Variants in PPP3CC observed in about 807,000 individuals in gnomAD.
PPP3CC encodes protein phosphatase 3 catalytic subunit gamma, also known as serine/threonine-protein phosphatase 2B catalytic subunit gamma isoform.
A neutral mutation model predicts 60.3 loss-of-function variants in PPP3CC; 35 were observed. The observed-to-expected ratio is 0.58, with a 90% CI of 0.44 to 0.77. The LOEUF (loss-of-function observed/expected upper bound fraction) is 0.77, where lower values mean the gene tolerates loss of function less well. PPP3CC is among the 30% of genes least tolerant of loss of function. PPP3CC has a pLI of 0.00. For missense variants in PPP3CC, 570 were observed against 628.9 expected (o/e 0.91, Z 1.00); for synonymous variants, 206 against 224.3 (o/e 0.92, Z 0.73).
At chr8:22,521,544 T>G (rs548197428) in intron 6 of PPP3CC, among the ~76,000 whole-genome samples, 2 of 152,176 alleles carry the variant, frequency 1.3e-5, no homozygotes, top group African/African-American at 2.4e-5. Flanking sequence ...CTAAGGTTCT[T>G]ACAATGGCAC....
chr8:22,469,363 A>G (rs1240772878), intron 1 of PPP3CC, among the ~76,000 whole-genome samples: 1 of 152,118 alleles, frequency 6.6e-6, no homozygotes, highest in Non-Finnish European at 1.5e-5. Flanking sequence ...GGAAGGATGA[A>G]GAGAAGTGAG....
chr8:22,491,586 G>A (rs1398607092), intron 3 of PPP3CC, among the ~76,000 whole-genome samples: 1 of 152,100 alleles, frequency 6.6e-6, no homozygotes, highest in East Asian at 1.9e-4. Flanking sequence ...TGCCCTTTAA[G>A]TGCTGCTTTA....
intron 4 of PPP3CC, 46 bp downstream of exon 4, chr8:22,498,158 C>G (rs911628558): frequency 4.8e-6 from 6 of 1,248,462 alleles, no homozygotes; most frequent in South Asian, 1.3e-5. Context: ...ACCCTTTAAC[C>G]TGTCCGAAGT....
chr8:22,486,003 T>G (rs866856042), intron 3 of PPP3CC, among the ~76,000 whole-genome samples: 2 of 152,158 alleles, frequency 1.3e-5, no homozygotes, highest in Admixed American at 6.6e-5. Flanking sequence ...CAGACATGCT[T>G]GCAGAGAATT....
intron 3 of PPP3CC, among the ~76,000 whole-genome samples, chr8:22,489,467 T>C (rs1838315111): frequency 6.6e-6 from 1 of 150,920 alleles, no homozygotes; most frequent in Admixed American, 6.7e-5. Context: ...AATGAATGAT[T>C]CTCAGATTGT....
At chr8:22,509,914 A>T (rs1839032204) in intron 4 of PPP3CC, among the ~76,000 whole-genome samples, 1 of 152,106 alleles carries the variant, frequency 6.6e-6, no homozygotes, top group South Asian at 2.1e-4. Context: ...GGCCAGGCGC[A>T]GTGGCTCACG....
In PPP3CC at chr8:22,476,473, G is replaced by T. The variant is rs575208595; in HGVS notation, c.372+849G>T. ...CACTGTACTAAGTGTGTTTCTGGTGGTTAAAGGTTTATTGTCTTGCAGCCT... is the reference window on the plus strand; with the variant it reads ...CACTGTACTAAGTGTGTTTCTGGTGTTTAAAGGTTTATTGTCTTGCAGCCT... On this transcript the variant is annotated intron_variant, in intron 3 of 13. Coordinates refer to ENST00000240139, the MANE Select transcript of PPP3CC (RefSeq NM_005605.5). 9.2e-5 allele frequency among the ~76,000 whole-genome samples: 14 copies of T among 152,304 alleles called. No individual in the cohort carries two copies. In the East Asian group the frequency reaches 2.7e-3, roughly 29 times the overall value.
chr8:22,464,341 A>G (rs976262949), intron 1 of PPP3CC, among the ~76,000 whole-genome samples: 2 of 152,210 alleles, frequency 1.3e-5, no homozygotes, highest in Admixed American at 6.5e-5. Context: ...ATAAACCCAA[A>G]GATGTAGTAG....
At chr8:22,514,248 C>CA (rs66505760) in intron 6 of PPP3CC, among the ~76,000 whole-genome samples, 3,655 of 87,336 alleles carry the variant, frequency 0.042, 67 homozygotes, top group African/African-American at 0.1. Context: ...ACTCTGTCTC[C>CA]AAAAAAAAAA....
chr8:22,451,124 C>T (rs1413215476), intron 1 of PPP3CC, among the ~76,000 whole-genome samples: 1 of 150,220 alleles, frequency 6.7e-6, no homozygotes, highest in African/African-American at 2.5e-5. Context: ...CAGGCGTGAG[C>T]CACCGCACCC....
At chr8:22,442,828 T>C (rs1029280488) in intron 1 of PPP3CC, among the ~76,000 whole-genome samples, 14 of 152,240 alleles carry the variant, frequency 9.2e-5, no homozygotes, top group African/African-American at 1.9e-4. Context: ...GCTGTTAATA[T>C]GGCCGGTGCG....
At chr8:22,467,192 TA>T (rs369400896) in intron 1 of PPP3CC, among the ~76,000 whole-genome samples, 178 of 151,818 alleles carry the variant, frequency 1.2e-3, no homozygotes, top group Middle Eastern at 3.4e-3. Flanking sequence ...TAGGAGAAAA[TA>T]AAAAAAAATT....
intron 1 of PPP3CC, among the ~76,000 whole-genome samples, chr8:22,472,058 G>A (rs896520735): frequency 2.0e-5 from 3 of 152,004 alleles, no homozygotes; most frequent in Non-Finnish European, 4.4e-5. Flanking sequence ...TGAGCCAGGA[G>A]GTTGAAGGTG....
chr8:22,487,853 C>A (rs1563728949), intron 3 of PPP3CC, among the ~76,000 whole-genome samples: 1 of 152,148 alleles, frequency 6.6e-6, no homozygotes, highest in Non-Finnish European at 1.5e-5. Flanking sequence ...GGTATTGACA[C>A]ATAGAAATGA....
intron 3 of PPP3CC, among the ~76,000 whole-genome samples, chr8:22,476,606 G>T (rs1837894771): frequency 6.6e-6 from 1 of 152,160 alleles, no homozygotes; most frequent in Admixed American, 6.5e-5. Context: ...TTAGTTTTCT[G>T]TTAGATAGGC....
chr8:22,482,019 G>C (rs1272576737), intron 3 of PPP3CC, among the ~76,000 whole-genome samples: 1 of 152,158 alleles, frequency 6.6e-6, no homozygotes, highest in Non-Finnish European at 1.5e-5. Context: ...CTTTATAGTA[G>C]AATGATTTAT....
At chr8:22,522,083 A>G (rs1378355636) in intron 6 of PPP3CC, among the ~76,000 whole-genome samples, 1 of 151,856 alleles carries the variant, frequency 6.6e-6, no homozygotes, top group Non-Finnish European at 1.5e-5. Context: ...TTCTGTAACA[A>G]TTTGACAATT....
intron 4 of PPP3CC, among the ~76,000 whole-genome samples, chr8:22,507,850 A>C (rs75041315): frequency 0.012 from 1,800 of 152,254 alleles, 40 homozygotes; most frequent in African/African-American, 0.041. Flanking sequence ...CAGTTCTTCA[A>C]ATCAGGCAAC....
chr8:22,492,804 A>G, intron 3 of PPP3CC: 1 of 1,003,420 alleles, frequency 1.0e-6, no homozygotes, highest in Non-Finnish European at 1.6e-6. Flanking sequence ...GAAGAGGTGA[A>G]TATGTTTACA....
Sources: gnomAD v4.1 joint callset for allele counts (sites outside exome capture counted in the v4.1 genomes callset) on GRCh38, gnomAD v4.1.1 for gene constraint, MANE v1.5 for transcripts, NCBI Gene and HGNC (gene_info 2026-07-23, HGNC 2026-07-21) for gene names.